Variants in ALMS1 observed in about 807,000 individuals in gnomAD.
ALMS1 encodes the protein centrosome-associated protein ALMS1.
Under a neutral mutation model 352.2 loss-of-function variants are expected in ALMS1, and 271 were observed. That is an observed-to-expected ratio of 0.77 (90% CI 0.70 to 0.85). The LOEUF (loss-of-function observed/expected upper bound fraction) is 0.85. Ranked by LOEUF, ALMS1 falls within the 40% of genes least tolerant of loss-of-function variation. ALMS1 has a pLI of 0.00. For synonymous variants in ALMS1, 1,865 were observed against 1,761.2 expected (o/e 1.06, Z -1.48); for missense variants, 5,445 against 4,870.7 (o/e 1.12, Z -3.51).
intron 16 of ALMS1, among the ~76,000 whole-genome samples, chr2:73,596,264 T>TCCA (rs1230637929): frequency 1.3e-5 from 2 of 152,218 alleles, no homozygotes; most frequent in Non-Finnish European, 2.9e-5. Flanking sequence ...AGGTCTGAAA[T>TCCA]CCATTTTTAG....
chr2:73,459,469 G>A (rs891821413), intron 9 of ALMS1: 1 of 151,898 alleles, frequency 6.6e-6, no homozygotes, highest in African/African-American at 2.4e-5. Flanking sequence ...CTTTAATTTG[G>A]TTATTGAAAA....
intron 16 of ALMS1, 102 bp downstream of exon 16, chr2:73,573,526 C>T (rs1459278770): frequency 1.7e-6 from 2 of 1,154,938 alleles, no homozygotes; most frequent in East Asian, 2.5e-5. Context: ...TTTGCCCTTT[C>T]CTCTCTATAC....
At position 73,469,075 on chromosome 2, in the gene ALMS1, C is replaced by T. The variant is rs929298185; in HGVS notation, c.7674+13780C>T. ...TACCCAATGATTTACTGACTTCTCT[C>T]GGCAGAATACTGTCTCTTCTCCTTC... On this transcript the variant is annotated intron_variant, in intron 9 of 22. Coordinates refer to ENST00000613296, the MANE Select transcript of ALMS1 (RefSeq NM_001378454.1). Among the ~76,000 whole-genome samples, 4 of 151,962 alleles carry T rather than the reference C, an allele frequency of 2.6e-5. No individual in the cohort carries two copies. In the East Asian group the frequency reaches 5.8e-4, roughly 22 times the overall value.
In ALMS1 at chr2:73,385,956, G is replaced by T. The variant is rs1025593035; in HGVS notation, c.88G>T (p.Ala30Ser). 7.1e-7 allele frequency: 1 copy of T among 1,407,232 alleles called. No individual in the cohort carries two copies. The highest frequency in any genetic ancestry group is 9.8e-7 in the Non-Finnish European group (1 of 1,017,828). 87.2% of individuals were successfully genotyped at this position (1,407,232 alleles called of 1,614,324 possible). ...GGAGGAGGAGGAAGAGGAGGAGGCT[G>T]CAGCGGCGGCGGCGGCGAACGTGGA... ...EEEEEEEEEAAAAAAANVDDV... is the reference protein window; with the variant it reads ...EEEEEEEEEASAAAAANVDDV... The change falls in exon 1 of 23, where the codon GCA becomes TCA. Residue 30 changes from alanine to serine, a missense_variant. Coordinates refer to ENST00000613296, the MANE Select transcript of ALMS1 (RefSeq NM_001378454.1).
intron 9 of ALMS1, among the ~76,000 whole-genome samples, chr2:73,463,984 C>T (rs1672267206): frequency 6.6e-6 from 1 of 152,164 alleles, no homozygotes; most frequent in Admixed American, 6.5e-5. Context: ...AGTCCAGGTC[C>T]AGATGGAATC....
chr2:73,400,132 A>AG (rs886537485), intron 1 of ALMS1, among the ~76,000 whole-genome samples: 54 of 151,702 alleles, frequency 3.6e-4, no homozygotes, highest in East Asian at 2.5e-3. Flanking sequence ...GAGGTGGCAG[A>AG]GGGGGGTCTC....
In ALMS1 at chr2:73,550,294, TC is replaced by T; in HGVS notation, c.9938del (p.Pro3313GlnfsTer5). The T allele has an allele frequency of 6.2e-7, 1 of 1,614,164 alleles. No homozygotes were observed. Among genetic ancestry groups the T allele is most frequent in the Non-Finnish European group, 8.5e-7 (1 of 1,180,016 alleles). On this transcript the variant is annotated frameshift_variant, in exon 13 of 23. Coordinates refer to ENST00000613296, the MANE Select transcript of ALMS1 (RefSeq NM_001378454.1). LOFTEE classifies it high-confidence loss of function. Reference protein sequence around the residue: ...SGSNDAIAPDFPAQVLGTRDD... With the variant: ...SGSNDAIAPDXPAQVLGTRDD... ...TCCAATGATGCCATTGCTCCAGACTTCCCAGCTCAGGTGCTAGGCACAAGAG... is the reference window on the plus strand; with the variant it reads ...TCCAATGATGCCATTGCTCCAGACTTCCAGCTCAGGTGCTAGGCACAAGAG...
At chr2:73,475,303 C>G (rs970246059) in intron 9 of ALMS1, among the ~76,000 whole-genome samples, 3 of 152,050 alleles carry the variant, frequency 2.0e-5, no homozygotes, top group South Asian at 4.1e-4. Flanking sequence ...TGAGGAACTT[C>G]TAAACTTTTT....
At chr2:73,594,379 T>C (rs1675501931) in intron 16 of ALMS1, among the ~76,000 whole-genome samples, 1 of 152,238 alleles carries the variant, frequency 6.6e-6, no homozygotes, top group African/African-American at 2.4e-5. Context: ...GAATTTGAAA[T>C]GAAAACGGAA....
At position 73,465,633 on chromosome 2, in the gene ALMS1, C is replaced by G. The variant is rs1672320250; in HGVS notation, c.7674+10338C>G. On this transcript the variant is annotated intron_variant, in intron 9 of 22. Transcript: ENST00000613296. Reference sequence around the variant, plus strand: ...CAATGGCAACAAAAGCCAAAATTGACAAATGGGATCTAATTAAACTAAAGA... The same window carrying G: ...CAATGGCAACAAAAGCCAAAATTGAGAAATGGGATCTAATTAAACTAAAGA... 2.6e-5 allele frequency among the ~76,000 whole-genome samples: 4 copies of G among 152,150 alleles called. No individual in the cohort carries two copies. In the South Asian group the frequency reaches 8.3e-4, roughly 32 times the overall value.
intron 8 of ALMS1, 38 bp from the exon 9 acceptor site, chr2:73,455,124 T>C: frequency 1.2e-6 from 2 of 1,610,232 alleles, no homozygotes; most frequent in Non-Finnish European, 1.7e-6. Context: ...ATTATCACTT[T>C]TGCATTGTAT....
chr2:73,455,462 A>G (rs1672040614), intron 9 of ALMS1, among the ~76,000 whole-genome samples, 167 bp downstream of exon 9: 2 of 152,196 alleles, frequency 1.3e-5, no homozygotes, highest in Non-Finnish European at 2.9e-5. Context: ...GAAGTGCAGC[A>G]GTGCAATCAC....
chr2:73,516,665 A>C (rs1673563864), intron 10 of ALMS1, among the ~76,000 whole-genome samples: 1 of 152,248 alleles, frequency 6.6e-6, no homozygotes, highest in South Asian at 2.1e-4. Flanking sequence ...TCACAACTTT[A>C]GAATATGGTA....
intron 12 of ALMS1, among the ~76,000 whole-genome samples, chr2:73,542,960 G>A (rs74482088): frequency 0.13 from 19,103 of 151,972 alleles, 1,300 homozygotes; most frequent in East Asian, 0.22. Flanking sequence ...TATAGATTCA[G>A]TGCCATCCCC....
intron 13 of ALMS1, among the ~76,000 whole-genome samples, chr2:73,556,619 A>G (rs911801065): frequency 1.2e-4 from 18 of 148,530 alleles, no homozygotes; most frequent in South Asian, 1.1e-3. Context: ...TTGAAAAAAC[A>G]TACCTGATCT....
intron 9 of ALMS1, chr2:73,469,802 A>G (rs1461668437): frequency 6.6e-6 from 1 of 151,828 alleles, no homozygotes; most frequent in Non-Finnish European, 1.5e-5. Flanking sequence ...TGTTGAATCT[A>G]AATAGAAGGA....
intron 6 of ALMS1, among the ~76,000 whole-genome samples, chr2:73,429,921 T>G (rs1188283948): frequency 6.6e-6 from 1 of 152,204 alleles, no homozygotes; most frequent in African/African-American, 2.4e-5. Flanking sequence ...TCTTTCATTC[T>G]TTCTTCATTA....
At chr2:73,597,980 A>G (rs1291439151) in intron 16 of ALMS1, among the ~76,000 whole-genome samples, 2 of 152,218 alleles carry the variant, frequency 1.3e-5, no homozygotes, top group Non-Finnish European at 2.9e-5. Flanking sequence ...ATTTATGTCT[A>G]AAATCTTAAG....
At chr2:73,435,770 A>G (rs897439145) in intron 7 of ALMS1, among the ~76,000 whole-genome samples, 1 of 151,964 alleles carries the variant, frequency 6.6e-6, no homozygotes, top group East Asian at 1.9e-4. Flanking sequence ...TTTTCAAAAA[A>G]TTTTTTTGGT....
Sources: gnomAD v4.1 joint callset for allele counts (sites outside exome capture counted in the v4.1 genomes callset) on GRCh38, gnomAD v4.1.1 for gene constraint, MANE v1.5 for transcripts, NCBI Gene and HGNC (gene_info 2026-07-23, HGNC 2026-07-21) for gene names.